Variants in GCLC observed in about 807,000 individuals in gnomAD.
GCLC encodes the protein glutamate--cysteine ligase catalytic subunit.
Under a neutral mutation model 81.5 loss-of-function variants are expected in GCLC, and 30 were observed. The ratio of observed to expected loss-of-function variants is 0.37; its 90% CI spans 0.28 to 0.50. GCLC has a LOEUF of 0.50. Ranked by LOEUF, GCLC falls within the 20% of genes least tolerant of loss-of-function variation. GCLC has a pLI of 0.96. For missense variants in GCLC, 556 were observed against 777.4 expected, an observed-to-expected ratio of 0.72 and a Z score of 3.39; for synonymous variants, 262 against 273.3, an observed-to-expected ratio of 0.96 and a Z score of 0.41.
Position 53,498,954 on chromosome 6 carries a change from T to G in GCLC, c.1716A>C (p.Thr572=). The G allele has an allele frequency of 6.2e-7, 1 of 1,611,980 alleles. No individual in the cohort carries two copies. Among genetic ancestry groups the G allele is most frequent in the Non-Finnish European group, 8.5e-7 (1 of 1,178,148 alleles). The change falls in exon 16 of 16, where the codon ACA becomes ACC. Residue 572 remains threonine, a synonymous_variant. Transcript: ENST00000650454. Reference sequence around the variant, plus strand: ...TAAACTCCCTCATCCATCTGGCAACTGTCATTAGTTCTCCTGTGGGCGAGG... The same window carrying G: ...TAAACTCCCTCATCCATCTGGCAACGGTCATTAGTTCTCCTGTGGGCGAGG... ...IKKRASGELM[T]VARWMREFIA...
intron 7 of GCLC, 69 bp downstream of exon 7, chr6:53,509,107 G>T: frequency 1.0e-6 from 1 of 962,526 alleles, no homozygotes. Flanking sequence ...CACACTGTCA[G>T]TAAATTCTGC....
chr6:53,534,046 C>T (rs1363594832), intron 1 of GCLC, among the ~76,000 whole-genome samples: 2 of 152,172 alleles, frequency 1.3e-5, no homozygotes, highest in Admixed American at 6.5e-5. Context: ...CCACCTGCCT[C>T]GGCCTCCCAA....
chr6:53,524,557 A>G (rs1206159770), intron 1 of GCLC, among the ~76,000 whole-genome samples: 2 of 152,150 alleles, frequency 1.3e-5, no homozygotes, highest in Non-Finnish European at 2.9e-5. Flanking sequence ...GACGGAACCC[A>G]CTTACTCTGT....
At position 53,522,492 on chromosome 6, in the gene GCLC, A is replaced by G. The variant is rs1431359859; in HGVS notation, c.186T>C (p.Asn62=). 3 of 1,610,692 alleles carry G rather than the reference A, an allele frequency of 1.9e-6. No individual in the cohort carries two copies. The highest frequency in any genetic ancestry group is 2.5e-6 in the Non-Finnish European group (3 of 1,177,122). ...EYMLVSFDHE[N]KKVRLVLSGE... ...CAGACAGGACCAACCGGACTTTTTTATTTTCATGATCAAAAGATACCAACA... is the reference window on the plus strand; with the variant it reads ...CAGACAGGACCAACCGGACTTTTTTGTTTTCATGATCAAAAGATACCAACA... Residue 62 remains asparagine, a synonymous_variant, in exon 2 of 16, where the codon AAT becomes AAC. Transcript: ENST00000650454.
In GCLC at chr6:53,505,851, AG is replaced by A; in HGVS notation, c.1241del (p.Pro414LeufsTer11). On this transcript the variant is annotated frameshift_variant, in exon 11 of 16. Coordinates refer to ENST00000650454, the MANE Select transcript of GCLC (RefSeq NM_001498.4). LOFTEE classifies it high-confidence loss of function. ...TCCATCCAATGTCTGAGTTTGGAGG[AG>A]GGGGCTTAAATCTCATTGTCTGCCA... ...TNWQTMRFKP[P>X]PPNSDIGWRV... The A allele has an allele frequency of 4.3e-6, 7 of 1,612,426 alleles. No homozygotes were observed. The highest frequency in any genetic ancestry group is 5.9e-6 in the Non-Finnish European group (7 of 1,178,492).
intron 1 of GCLC, among the ~76,000 whole-genome samples, chr6:53,543,653 TTCAAAAACAGAAA>T (rs969682289): frequency 5.3e-5 from 8 of 152,184 alleles, no homozygotes. Context: ...ACACGTAATT[TTCAAAAACAGAAA>T]GGGAAGGCAC....
At chr6:53,532,846 T>C (rs1292364867) in intron 1 of GCLC, among the ~76,000 whole-genome samples, 1 of 152,198 alleles carries the variant, frequency 6.6e-6, no homozygotes, top group Non-Finnish European at 1.5e-5. Flanking sequence ...GGGGGCTCTT[T>C]CGTAGTATTG....
At chr6:53,500,222 G>A (rs777132210) in intron 14 of GCLC, 25 bp downstream of exon 14, 11 of 1,609,786 alleles carry the variant, frequency 6.8e-6, no homozygotes, top group Admixed American at 1.7e-5. Context: ...ACAGTGAGGG[G>A]TACTGTACAG....
In GCLC at chr6:53,544,696, G is replaced by T; in HGVS notation, c.-51C>A. ...TCCTCCGGGCTGACGGCGGTCGCCC[G>T]CTCCGGGCGCGAGACGGACACTCAG... On this transcript the variant is annotated 5_prime_UTR_variant, in exon 1 of 16. Coordinates refer to ENST00000650454, the MANE Select transcript of GCLC (RefSeq NM_001498.4). 1 of 1,528,744 alleles carries T rather than the reference G, an allele frequency of 6.5e-7. No individual in the cohort carries two copies. Among genetic ancestry groups the T allele is most frequent in the South Asian group, 1.2e-5 (1 of 84,966 alleles). The allele number at this position is 1,528,744 out of a possible 1,614,324, so 94.7% of individuals were successfully genotyped here. A position where few individuals can be genotyped will look rare whatever the true frequency, so the allele number is the denominator to read the frequency against.
intron 1 of GCLC, among the ~76,000 whole-genome samples, chr6:53,532,960 T>C (rs767670266): frequency 2.2e-4 from 34 of 152,198 alleles, no homozygotes; most frequent in Non-Finnish European, 3.8e-4. Flanking sequence ...ACCTTAGTCA[T>C]AGAAACTCGC....
Position 53,500,076 on chromosome 6 carries a change from G to T in GCLC, c.1671C>A (p.Asn557Lys). 1 of 1,606,594 alleles carries T rather than the reference G, an allele frequency of 6.2e-7. No homozygotes were observed. The change falls in exon 15 of 16, where the codon AAC (asparagine) becomes AAA (lysine). Residue 557 changes from asparagine to lysine, a missense_variant. This residue lies in a region of GCLC where 313 missense variants were observed against 437.3 expected (regional missense o/e 0.72). Coordinates refer to ENST00000650454, the MANE Select transcript of GCLC (RefSeq NM_001498.4). ...VDVDTRCSILNYLKLIKKRAS... is the reference protein window; with the variant it reads ...VDVDTRCSILKYLKLIKKRAS... ...CTCTCTTCTTAATTAGCTTTAGGTAGTTCAGAATACTACATCTGGTGTCCA... is the reference window on the plus strand; with the variant it reads ...CTCTCTTCTTAATTAGCTTTAGGTATTTCAGAATACTACATCTGGTGTCCA...
intron 4 of GCLC, 62 bp downstream of exon 4, chr6:53,516,047 T>C (rs1764864506): frequency 7.3e-6 from 7 of 957,498 alleles, no homozygotes; most frequent in African/African-American, 4.8e-5. Context: ...AGAAATACTA[T>C]ACTCTCAGAA....
intron 6 of GCLC, among the ~76,000 whole-genome samples, chr6:53,511,988 C>T (rs1191860402): frequency 7.2e-6 from 1 of 138,118 alleles, no homozygotes; most frequent in East Asian, 2.2e-4. Flanking sequence ...TTGCTCTGTT[C>T]CCCAGGCTGG....
At chr6:53,528,598 G>C (rs1763122801) in intron 1 of GCLC, among the ~76,000 whole-genome samples, 1 of 152,048 alleles carries the variant, frequency 6.6e-6, no homozygotes, top group Non-Finnish European at 1.5e-5. Flanking sequence ...CATATATTTT[G>C]AGAAAATAGG....
At chr6:53,509,736 C>T (rs563640543) in intron 6 of GCLC, 12 of 182,730 alleles carry the variant, frequency 6.6e-5, no homozygotes, top group Middle Eastern at 2.5e-3. Context: ...GAAAGCTCCA[C>T]CTCCTGGGTT....
chr6:53,505,655 C>T (rs966818559), intron 11 of GCLC, 148 bp downstream of exon 11: 1 of 745,160 alleles, frequency 1.3e-6, no homozygotes, highest in Admixed American at 2.0e-5. Flanking sequence ...AGAAATCAAC[C>T]CTCCTTAACT....
At chr6:53,511,203 G>A (rs911973826) in intron 6 of GCLC, among the ~76,000 whole-genome samples, 2 of 79,786 alleles carry the variant, frequency 2.5e-5, no homozygotes, top group Admixed American at 4.1e-4. Flanking sequence ...AAAAAAAGTG[G>A]GGGGGGGGTG....
chr6:53,542,677 A>C (rs531556463), intron 1 of GCLC, among the ~76,000 whole-genome samples: 2 of 152,168 alleles, frequency 1.3e-5, no homozygotes, highest in Non-Finnish European at 2.9e-5. Context: ...TGACTACCAA[A>C]GACTTGAACT....
chr6:53,505,447 A>T lies in GCLC; in HGVS notation c.1340T>A (p.Leu447Gln), dbSNP rs1352600387. ...GTAGGAAAGGATCACTCTGGTGAGC[A>T]GTACCACAAACACCACATAGGCAGA... ...ENSAYVVFVV[L>Q]LTRVILSYKL... is the part of the protein sequence containing the mutation. Residue 447 changes from leucine to glutamine, a missense_variant, in exon 12 of 16, where the codon CTG becomes CAG. Around this residue, in one of 3 missense-constraint regions of GCLC, gnomAD observed 313 missense variants for 437.3 expected, o/e 0.72. Coordinates refer to ENST00000650454, the MANE Select transcript of GCLC (RefSeq NM_001498.4). 1 of 1,607,568 alleles carries T rather than the reference A, an allele frequency of 6.2e-7. No individual in the cohort carries two copies. The highest frequency in any genetic ancestry group is 1.7e-5 in the Admixed American group (1 of 60,012).
Sources: gnomAD v4.1 joint callset for allele counts (sites outside exome capture counted in the v4.1 genomes callset) on GRCh38, gnomAD v4.1.1 for gene constraint, gnomAD v4.1.1 regional missense constraint, MANE v1.5 for transcripts, NCBI Gene and HGNC (gene_info 2026-07-23, HGNC 2026-07-21) for gene names.